Variants in GLIS3 observed in about 807,000 individuals in gnomAD.
The protein encoded by GLIS3 is GLIS family zinc finger 3.
In GLIS3, 53 loss-of-function variants were observed where a neutral mutation model predicts 78.6. That is an observed-to-expected ratio of 0.67 (90% CI 0.54 to 0.85). The LOEUF is 0.85. GLIS3 is among the 40% of genes least tolerant of loss of function. GLIS3 has a pLI of 0.00. For missense variants in GLIS3, 1,703 were observed against 1,231.1 expected (o/e 1.38, Z -5.74); for synonymous variants, 684 against 509.9 (o/e 1.34, Z -4.60).
chr9:4,001,171 C>G (rs1821101341), intron 4 of GLIS3, among the ~76,000 whole-genome samples: 1 of 152,132 alleles, frequency 6.6e-6, no homozygotes, highest in Admixed American at 6.5e-5. Context: ...TTATTACAAT[C>G]CCTGGCATGT....
intron 10 of GLIS3, among the ~76,000 whole-genome samples, chr9:3,829,028 GC>G (rs1309821730): frequency 6.6e-6 from 1 of 152,138 alleles, no homozygotes. Flanking sequence ...AGTATGGAGG[GC>G]AGAATGGTAA....
intron 2 of GLIS3, among the ~76,000 whole-genome samples, chr9:4,272,537 A>T (rs1450437583): frequency 1.3e-5 from 2 of 152,172 alleles, no homozygotes; most frequent in Non-Finnish European, 2.9e-5. Flanking sequence ...TCTTATTTTC[A>T]ATGGGAATAC....
chr9:4,015,222 T>A (rs1822339279), intron 4 of GLIS3, among the ~76,000 whole-genome samples: 1 of 152,144 alleles, frequency 6.6e-6, no homozygotes, highest in South Asian at 2.1e-4. Context: ...TGTGCAGGGA[T>A]GTGAGGAAGG....
chr9:4,442,388 G>C, the GLIS3 span, among the ~76,000 whole-genome samples: 3 of 151,428 alleles, frequency 2.0e-5, no homozygotes, highest in South Asian at 4.2e-4. Flanking sequence ...TTATCTTTTT[G>C]AAAGTTCTCT....
chr9:3,891,393 T>G (rs1158821457), intron 7 of GLIS3, among the ~76,000 whole-genome samples: 1 of 152,116 alleles, frequency 6.6e-6, no homozygotes, highest in Non-Finnish European at 1.5e-5. Context: ...GTACAAAACG[T>G]GGTCAGTAAC....
chr9:4,130,514 G>C (rs931033203), intron 2 of GLIS3, among the ~76,000 whole-genome samples: 6 of 152,246 alleles, frequency 3.9e-5, no homozygotes, highest in African/African-American at 1.4e-4. Context: ...TCTAGCTCCA[G>C]TCTTGGCTCA....
the GLIS3 span, among the ~76,000 whole-genome samples, chr9:4,365,625 A>C: frequency 6.6e-6 from 1 of 152,196 alleles, no homozygotes; most frequent in Non-Finnish European, 1.5e-5. Context: ...ATTGCATCTT[A>C]TCACCCTGAC....
intron 2 of GLIS3, chr9:4,147,505 C>T (rs757723260): frequency 1.3e-5 from 2 of 152,224 alleles, no homozygotes; most frequent in African/African-American, 4.8e-5. Context: ...GGGCCTCAGA[C>T]AGCTGTGCAG....
intron 2 of GLIS3, among the ~76,000 whole-genome samples, chr9:4,321,905 T>A (rs1316347675): frequency 6.6e-6 from 1 of 152,084 alleles, no homozygotes; most frequent in Non-Finnish European, 1.5e-5. Context: ...ATGCTTTAAT[T>A]TCTGGGGTAC....
the GLIS3 span, among the ~76,000 whole-genome samples, chr9:4,461,923 G>C: frequency 4.0e-5 from 6 of 151,642 alleles, no homozygotes; most frequent in East Asian, 1.2e-3. Flanking sequence ...AATGAGAAAG[G>C]GCTTTGTAGA....
chr9:4,285,245 T>C (rs916569067), intron 2 of GLIS3, among the ~76,000 whole-genome samples: 8 of 152,364 alleles, frequency 5.3e-5, no homozygotes, highest in African/African-American at 1.9e-4. Flanking sequence ...TTTCTCTAAA[T>C]ACATACGTCA....
chr9:4,480,537 T>C, the GLIS3 span, among the ~76,000 whole-genome samples: 58 of 152,122 alleles, frequency 3.8e-4, no homozygotes, highest in Admixed American at 7.9e-4. Flanking sequence ...TGGAGGAATA[T>C]GGCATATTCT....
the GLIS3 span, among the ~76,000 whole-genome samples, chr9:4,480,446 C>T: frequency 6.6e-6 from 1 of 151,976 alleles, no homozygotes; most frequent in African/African-American, 2.4e-5. Context: ...AGTGATCCTC[C>T]CTTTATGGCC....
intron 4 of GLIS3, 145 bp downstream of exon 4, chr9:4,117,623 T>C: frequency 1.1e-6 from 1 of 884,610 alleles, no homozygotes; most frequent in Non-Finnish European, 1.9e-6. Flanking sequence ...ATCTTCCCCT[T>C]CCTCAAGCTG....
the GLIS3 span, among the ~76,000 whole-genome samples, chr9:4,480,360 A>G: frequency 1.3e-5 from 2 of 151,626 alleles, no homozygotes; most frequent in East Asian, 3.9e-4. Flanking sequence ...ATGTGCCATC[A>G]CACCTGTCTA....
the GLIS3 span, among the ~76,000 whole-genome samples, chr9:4,401,202 C>G: frequency 6.6e-6 from 1 of 152,132 alleles, no homozygotes; most frequent in Non-Finnish European, 1.5e-5. Flanking sequence ...TGGTGAGTCC[C>G]AGGCCTGGCA....
At chr9:3,978,931 TTTACA>T (rs1277811133) in intron 4 of GLIS3, among the ~76,000 whole-genome samples, 1 of 152,070 alleles carries the variant, frequency 6.6e-6, no homozygotes, top group African/African-American at 2.4e-5. Context: ...ATAACAACTA[TTTACA>T]TTACATTAGG....
intron 4 of GLIS3, among the ~76,000 whole-genome samples, chr9:4,046,570 G>A (rs1056925091): frequency 2.0e-5 from 3 of 152,152 alleles, no homozygotes; most frequent in Non-Finnish European, 4.4e-5. Flanking sequence ...AAGCTAATAC[G>A]ATAAGTTGTA....
the GLIS3 span, among the ~76,000 whole-genome samples, chr9:4,485,089 A>C: frequency 6.6e-6 from 1 of 151,832 alleles, no homozygotes; most frequent in African/African-American, 2.4e-5. Context: ...ATCTCGGCTC[A>C]CTGCAACTTC....
Sources: gnomAD v4.1 joint callset for allele counts (sites outside exome capture counted in the v4.1 genomes callset) on GRCh38, gnomAD v4.1.1 for gene constraint, MANE v1.5 for transcripts, NCBI Gene and HGNC (gene_info 2026-07-23, HGNC 2026-07-21) for gene names.